Variants in ZFHX4 observed in about 807,000 individuals in gnomAD.
ZFHX4 encodes zinc finger homeobox protein 4.
In ZFHX4, 56 loss-of-function variants were observed where a neutral mutation model predicts 267.6. The ratio of observed to expected loss-of-function variants is 0.21; its 90% CI spans 0.17 to 0.26. The LOEUF is 0.26. Among genes scored for constraint, ZFHX4 ranks in the 10% least tolerant of loss-of-function variants. The pLI is 1.00. For missense variants in ZFHX4, 4,332 were observed against 4,420.0 expected (o/e 0.98, Z 0.56); for synonymous variants, 1,778 against 1,665.6 (o/e 1.07, Z -1.64).
intron 3 of ZFHX4, among the ~76,000 whole-genome samples, chr8:76,767,568 C>A (rs1221329102): frequency 6.6e-6 from 1 of 152,098 alleles, no homozygotes; most frequent in African/African-American, 2.4e-5. Context: ...TTATTAGATA[C>A]CTGCACGTAG....
chr8:76,694,976 A>G (rs1306694324), intron 1 of ZFHX4, among the ~76,000 whole-genome samples: 3 of 151,834 alleles, frequency 2.0e-5, no homozygotes, highest in African/African-American at 7.3e-5. Flanking sequence ...CAATGAGTGT[A>G]TGAGTGCTGA....
At chr8:76,821,444 G>A (rs188932146) in intron 4 of ZFHX4, among the ~76,000 whole-genome samples, 14 of 152,076 alleles carry the variant, frequency 9.2e-5, no homozygotes, top group African/African-American at 3.1e-4. Context: ...CTGTTCTTTG[G>A]CAAACCTAAT....
rs1409524213 is a variant in ZFHX4 at position 76,833,505 on chromosome 8, C to G, written c.3394+99C>G. The stretch of plus-strand genomic sequence containing the variant: ...GGAATAAACATTCTCTGGAACTTCT[C>G]TAATTAGATCTGATCATATGCCTTA... On this transcript the variant is annotated intron_variant, in intron 5 of 10. Transcript: ENST00000651372. 5 of 884,034 alleles carry G rather than the reference C, an allele frequency of 5.7e-6. No individual in the cohort carries two copies. In the East Asian group the frequency reaches 1.4e-4, roughly 24 times the overall value. 54.8% of individuals were successfully genotyped at this position (884,034 alleles called of 1,614,324 possible).
intron 4 of ZFHX4, among the ~76,000 whole-genome samples, chr8:76,826,847 C>T (rs536270539): frequency 1.3e-5 from 2 of 152,282 alleles, no homozygotes; most frequent in Admixed American, 6.5e-5. Flanking sequence ...TAGTAAACCT[C>T]ATGTTTAGTG....
chr8:76,770,821 C>T lies in ZFHX4; in HGVS notation c.3094-7387C>T, dbSNP rs149301795. On this transcript the variant is annotated intron_variant, in intron 3 of 10. Coordinates refer to ENST00000651372, the MANE Select transcript of ZFHX4 (RefSeq NM_024721.5). ...GTCAAGGCTGAGGGAATTCTGGAAGCTGTATACTCAGAATGAACCTTACAC... is the reference window on the plus strand; with the variant it reads ...GTCAAGGCTGAGGGAATTCTGGAAGTTGTATACTCAGAATGAACCTTACAC... Among the ~76,000 whole-genome samples the T allele has an allele frequency of 2.2e-3, 339 of 152,122 alleles. 6 individuals are homozygous for T. The East Asian group carries it at 0.042, about 19-fold the overall frequency.
intron 6 of ZFHX4, among the ~76,000 whole-genome samples, chr8:76,843,391 C>T (rs1812286466): frequency 6.6e-6 from 1 of 152,072 alleles, no homozygotes; most frequent in Admixed American, 6.6e-5. Flanking sequence ...TTTTGATCTT[C>T]TAGAATAGAC....
chr8:76,772,034 C>T (rs1810277724), intron 3 of ZFHX4, among the ~76,000 whole-genome samples: 1 of 152,034 alleles, frequency 6.6e-6, no homozygotes, highest in African/African-American at 2.4e-5. Context: ...ACACTGTGAC[C>T]TTGGGCAAGC....
At chr8:76,742,429 C>T (rs1266605517) in intron 3 of ZFHX4, among the ~76,000 whole-genome samples, 1 of 152,160 alleles carries the variant, frequency 6.6e-6, no homozygotes, top group Non-Finnish European at 1.5e-5. Flanking sequence ...TAATTACTAA[C>T]TCCTGCCATG....
At chr8:76,860,009 T>C (rs1416663011) in intron 10 of ZFHX4, among the ~76,000 whole-genome samples, 1 of 151,884 alleles carries the variant, frequency 6.6e-6, no homozygotes, top group East Asian at 1.9e-4. Context: ...GCAGTAGGAG[T>C]TGGGAAATGG....
intron 1 of ZFHX4, among the ~76,000 whole-genome samples, chr8:76,701,642 A>C (rs1264198295): frequency 6.6e-6 from 1 of 152,138 alleles, no homozygotes; most frequent in African/African-American, 2.4e-5. Context: ...TGCATTTAGA[A>C]TGTGTGTAAT....
intron 4 of ZFHX4, among the ~76,000 whole-genome samples, chr8:76,811,496 A>T (rs1414200470): frequency 6.6e-6 from 1 of 152,138 alleles, no homozygotes; most frequent in Non-Finnish European, 1.5e-5. Context: ...GTTAGAGCCA[A>T]TCTTTCACTA....
intron 4 of ZFHX4, among the ~76,000 whole-genome samples, chr8:76,827,923 A>G (rs975822243): frequency 2.6e-5 from 4 of 152,246 alleles, no homozygotes; most frequent in African/African-American, 7.2e-5. Context: ...ACTTCAATCT[A>G]TTACTGCCTG....
At chr8:76,830,973 T>C (rs2131886532) in intron 4 of ZFHX4, among the ~76,000 whole-genome samples, 1 of 152,292 alleles carries the variant, frequency 6.6e-6, no homozygotes, top group Admixed American at 6.5e-5. Context: ...ATTGAAAATT[T>C]GACAGACTTT....
rs1442687286 is a variant in ZFHX4, at chr8:76,853,125, A to G, written c.6204A>G (p.Gln2068=). Residue 2068 remains glutamine (Q), a synonymous_variant, in exon 10 of 11, where the codon CAA becomes CAG. Transcript: ENST00000651372. The stretch of plus-strand genomic sequence containing the variant: ...CACCTTCTGCTCCTCCACAGGTCCA[A>G]CTGCCGGTTTCTCTGGACCTGCCGC... ...PPPPSAPPQV[Q]LPVSLDLPLF... 6 of 1,474,760 alleles carry G rather than the reference A, an allele frequency of 4.1e-6. No individual in the cohort carries two copies. The South Asian group carries it at 4.8e-5, about 12-fold the overall frequency. The allele number at this position is 1,474,760 out of a possible 1,614,324, so 91.4% of individuals were successfully genotyped here.
At chr8:76,775,577 T>G (rs1278721155) in intron 3 of ZFHX4, among the ~76,000 whole-genome samples, 1 of 152,210 alleles carries the variant, frequency 6.6e-6, no homozygotes, top group Non-Finnish European at 1.5e-5. Context: ...AAGGAAAAGA[T>G]GTGTGTTACC....
Position 76,853,064 on chromosome 8 carries a change from C to T in ZFHX4, c.6143C>T (p.Pro2048Leu), listed in dbSNP as rs757558573. Residue 2048 changes from proline (P) to leucine (L), a missense_variant, in exon 10 of 11, where the codon CCT becomes CTT. This residue lies in a region of ZFHX4 where 1,371 missense variants were observed against 1,423.1 expected (regional missense o/e 0.96). Transcript: ENST00000651372. ...PPPTPPPPPP[P>L]PPPPPPPPPP... is the part of the protein sequence containing the mutation. ...CCCACTCCTCCCCCACCACCACCAC[C>T]TCCTCCTCCTCCTCCTCCTCCCCCC... 1.5e-6 allele frequency: 1 copy of T among 676,994 alleles called. No individual in the cohort carries two copies. Among genetic ancestry groups the T allele is most frequent in the South Asian group, 2.4e-5 (1 of 41,612 alleles). 41.9% of individuals were successfully genotyped at this position (676,994 alleles called of 1,614,324 possible). A position where few individuals can be genotyped will look rare whatever the true frequency, so the allele number is the denominator to read the frequency against.
chr8:76,848,582 G>T (rs16939377), intron 6 of ZFHX4, among the ~76,000 whole-genome samples: 5,599 of 152,130 alleles, frequency 0.037, 214 homozygotes, highest in East Asian at 0.18. Flanking sequence ...TTCTCAGAAC[G>T]TTGAAATATT....
chr8:76,795,543 CT>C (rs1204209981), intron 4 of ZFHX4, among the ~76,000 whole-genome samples: 2,764 of 125,310 alleles, frequency 0.022, 39 homozygotes, highest in African/African-American at 0.068. Flanking sequence ...TGATCCAAGT[CT>C]TTTTTTTTTT....
chr8:76,849,164 T>C (rs1812442983), intron 7 of ZFHX4, 36 bp downstream of exon 7: 2 of 1,517,840 alleles, frequency 1.3e-6, no homozygotes, highest in Non-Finnish European at 1.8e-6. Context: ...GTGTAAATCT[T>C]TATTTTTTAT....
Sources: allele counts gnomAD v4.1 joint callset (sites outside exome capture counted in the v4.1 genomes callset), GRCh38; gene constraint gnomAD v4.1.1; regional missense constraint gnomAD v4.1.1; transcripts MANE v1.5; gene names NCBI Gene and HGNC (gene_info 2026-07-23, HGNC 2026-07-21).